The following ATF2 variants were observed in gnomAD, a reference collection of about 807,000 sequenced individuals.
ATF2 encodes cyclic AMP-dependent transcription factor ATF-2.
Under a neutral mutation model 60.6 loss-of-function variants are expected in ATF2, and 24 were observed. The ratio of observed to expected loss-of-function variants is 0.40; its 90% CI spans 0.29 to 0.56. ATF2 has a LOEUF of 0.56. Ranked by LOEUF, ATF2 falls within the 20% of genes least tolerant of loss-of-function variation. ATF2 has a pLI of 0.54. For missense variants in ATF2, 433 were observed against 607.7 expected (o/e 0.71, Z 3.02); for synonymous variants, 206 against 215.4 (o/e 0.96, Z 0.38).
In ATF2 at chr2:175,166,024, C is replaced by A. The variant is rs59815710; in HGVS notation, c.-143+2026G>T. Among the ~76,000 whole-genome samples, 164 of 152,250 alleles carry A rather than the reference C, an allele frequency of 1.1e-3. 1 individual carries two copies. Among genetic ancestry groups the A allele is most frequent in the African/African-American group, 3.9e-3 (161 of 41,542 alleles). On this transcript the variant is annotated intron_variant, in intron 1 of 13. Transcript: ENST00000264110. ...CGCCAAAGAAAAAAGTGCAGGAATT[C>A]CTGGGTTACATATTTAACTAATAAA...
chr2:175,101,029 CAAGT>C (rs1695278169), intron 10 of ATF2, among the ~76,000 whole-genome samples: 1 of 152,150 alleles, frequency 6.6e-6, no homozygotes, highest in Admixed American at 6.5e-5. Flanking sequence ...CACCGGGGAA[CAAGT>C]AAGCATTCCT....
intron 13 of ATF2, among the ~76,000 whole-genome samples, chr2:175,076,468 T>A (rs942440309): frequency 8.5e-5 from 13 of 152,130 alleles, no homozygotes; most frequent in African/African-American, 2.7e-4. Flanking sequence ...GGGTATATTG[T>A]GCAATCCTGG....
At chr2:175,153,721 T>C (rs966427635) in intron 1 of ATF2, among the ~76,000 whole-genome samples, 52 of 151,458 alleles carry the variant, frequency 3.4e-4, no homozygotes, top group Non-Finnish European at 6.5e-4. Flanking sequence ...TCCCAGCTAC[T>C]TGGGAGGCTG....
At chr2:175,154,424 T>C (rs575966629) in intron 1 of ATF2, among the ~76,000 whole-genome samples, 2 of 151,834 alleles carry the variant, frequency 1.3e-5, no homozygotes, top group East Asian at 3.9e-4. Context: ...AACAACGCCT[T>C]CTTGAAGAAT....
chr2:175,086,781 T>TA (rs998721689), intron 12 of ATF2, among the ~76,000 whole-genome samples: 26 of 152,170 alleles, frequency 1.7e-4, no homozygotes, highest in African/African-American at 6.3e-4. Context: ...ATAAAGAAAA[T>TA]ACTGTATTTC....
intron 1 of ATF2, among the ~76,000 whole-genome samples, chr2:175,154,034 A>G (rs1486858626): frequency 6.6e-6 from 1 of 151,482 alleles, no homozygotes; most frequent in Non-Finnish European, 1.5e-5. Flanking sequence ...AGCGTGACCA[A>G]CATGGACCTC....
intron 10 of ATF2, among the ~76,000 whole-genome samples, chr2:175,106,568 ACT>A (rs1695680223): frequency 1.4e-5 from 2 of 141,360 alleles, no homozygotes; most frequent in South Asian, 4.6e-4. Context: ...AGGTGCAGTG[ACT>A]CACGCCTGTA....
chr2:175,123,709 T>C (rs1308251659), intron 4 of ATF2, among the ~76,000 whole-genome samples: 5 of 152,020 alleles, frequency 3.3e-5, no homozygotes, highest in East Asian at 1.9e-4. Context: ...GCAAGGAATA[T>C]GTATTTATAA....
chr2:175,084,624 C>T (rs1223036714), intron 12 of ATF2, among the ~76,000 whole-genome samples: 23 of 138,488 alleles, frequency 1.7e-4, no homozygotes, highest in East Asian at 4.2e-4. Flanking sequence ...TGCACATGTA[C>T]GCTAAAACTT....
intron 10 of ATF2, among the ~76,000 whole-genome samples, chr2:175,100,077 G>A (rs1288483014): frequency 6.6e-6 from 1 of 152,134 alleles, no homozygotes; most frequent in Non-Finnish European, 1.5e-5. Flanking sequence ...TCACTGATTA[G>A]AACATGCAAT....
rs1696434584 is a variant in ATF2, at chr2:175,114,770, A to G, written c.546T>C (p.Ser182=). The change falls in exon 8 of 14, where the codon AGT becomes AGC. Residue 182 remains serine, a synonymous_variant. Transcript: ENST00000264110. ...PNVLLTSSDS[S]VIIQQAVPSP... The stretch of plus-strand genomic sequence containing the variant: ...AAGGTACTGCCTGCTGAATAATTAC[A>G]CTTGAGTCAGAACTTGTAAGCAGCA... The G allele has an allele frequency of 1.2e-6, 2 of 1,613,918 alleles. No individual in the cohort carries two copies. Among genetic ancestry groups the G allele is most frequent in the Non-Finnish European group, 1.7e-6 (2 of 1,179,934 alleles).
At chr2:175,075,088 CTAAA>C (rs1693204396) in intron 13 of ATF2, 1 of 1,311,082 alleles carries the variant, frequency 7.6e-7, no homozygotes, top group Non-Finnish European at 9.8e-7. Flanking sequence ...GAAATATTTG[CTAAA>C]TAGTGTTAAA....
chr2:175,132,604 A>G (rs1160323898), intron 3 of ATF2: 1 of 152,194 alleles, frequency 6.6e-6, no homozygotes, highest in Non-Finnish European at 1.5e-5. Flanking sequence ...GTGGCTTTAT[A>G]AGAATTGGGT....
chr2:175,141,556 A>G (rs1698537505), intron 2 of ATF2, among the ~76,000 whole-genome samples: 1 of 151,620 alleles, frequency 6.6e-6, no homozygotes, highest in African/African-American at 2.4e-5. Flanking sequence ...GCAGTGGCGC[A>G]ATCTCGGTTC....
At chr2:175,135,406 A>C (rs577125725) in intron 3 of ATF2, among the ~76,000 whole-genome samples, 16 of 152,182 alleles carry the variant, frequency 1.1e-4, no homozygotes, top group African/African-American at 2.4e-4. Context: ...AAGTTAAACA[A>C]CACCACCAGG....
intron 1 of ATF2, among the ~76,000 whole-genome samples, chr2:175,160,538 C>T (rs1699954119): frequency 6.6e-6 from 1 of 152,182 alleles, no homozygotes; most frequent in African/African-American, 2.4e-5. Context: ...CATATATCAA[C>T]AATCATTAAA....
chr2:175,099,407 T>C (rs1273718481), intron 10 of ATF2, among the ~76,000 whole-genome samples: 2 of 152,146 alleles, frequency 1.3e-5, no homozygotes, highest in East Asian at 1.9e-4. Flanking sequence ...CTGGCCTCTA[T>C]TGAATTTTAA....
intron 2 of ATF2, among the ~76,000 whole-genome samples, chr2:175,148,938 A>C (rs1216288361): frequency 6.6e-6 from 1 of 152,140 alleles, no homozygotes; most frequent in Non-Finnish European, 1.5e-5. Context: ...TCTCCCTAAA[A>C]TGTATAAAAC....
chr2:175,157,907 G>T (rs1310543987), intron 1 of ATF2, among the ~76,000 whole-genome samples: 1 of 151,984 alleles, frequency 6.6e-6, no homozygotes, highest in African/African-American at 2.4e-5. Context: ...GCAGAGAACT[G>T]CTTGAACCCG....
Sources: allele counts gnomAD v4.1 joint callset (sites outside exome capture counted in the v4.1 genomes callset), GRCh38; gene constraint gnomAD v4.1.1; transcripts MANE v1.5; gene names NCBI Gene and HGNC (gene_info 2026-07-23, HGNC 2026-07-21).